GAP43: variants seen among roughly 807,000 people sequenced by gnomAD.
GAP43 encodes growth associated protein 43.
A neutral mutation model predicts 18.6 loss-of-function variants in GAP43; 6 were observed. The ratio of observed to expected loss-of-function variants is 0.32; its 90% CI spans 0.18 to 0.64. The LOEUF is 0.64. GAP43 is among the 30% of genes least tolerant of loss of function. The pLI is 0.78. For missense variants in GAP43, 292 were observed against 295.5 expected (o/e 0.99, Z 0.09); for synonymous variants, 115 against 111.4 (o/e 1.03, Z -0.20).
In GAP43 at chr3:115,623,680, C is replaced by G. The variant is rs779882225; in HGVS notation, c.-10C>G. 16 of 1,613,882 alleles carry G rather than the reference C, an allele frequency of 9.9e-6. 1 individual carries two copies. In the East Asian group the frequency reaches 1.1e-4, roughly 11 times the overall value. On this transcript the variant is annotated 5_prime_UTR_variant, in exon 1 of 3. Coordinates refer to ENST00000305124, the MANE Select transcript of GAP43 (RefSeq NM_002045.4). ...GAGAAGGCAGGAAGAAGGCAAGGGA[C>G]GAGACAACCATGCTGTGCTGTATGA... is the stretch of plus-strand genomic sequence containing the variant.
chr3:115,706,442 A>G (rs948350517), intron 2 of GAP43, among the ~76,000 whole-genome samples: 23 of 152,278 alleles, frequency 1.5e-4, no homozygotes, highest in Admixed American at 1.5e-3. Context: ...CAGTATGGTA[A>G]ACATAGTTTT....
chr3:115,711,508 CA>C (rs1420206100), intron 2 of GAP43, among the ~76,000 whole-genome samples: 23 of 151,122 alleles, frequency 1.5e-4, no homozygotes, highest in African/African-American at 3.6e-4. Context: ...CACACACACA[CA>C]CACCCCCCTA....
intron 1 of GAP43, among the ~76,000 whole-genome samples, chr3:115,629,292 C>T (rs1284545249): frequency 6.6e-6 from 1 of 152,130 alleles, no homozygotes; most frequent in East Asian, 1.9e-4. Flanking sequence ...GCTATCTTTA[C>T]AAAATGCAAA....
At chr3:115,637,819 C>T (rs1475048038) in intron 1 of GAP43, among the ~76,000 whole-genome samples, 1 of 152,034 alleles carries the variant, frequency 6.6e-6, no homozygotes, top group Non-Finnish European at 1.5e-5. Flanking sequence ...CAAATCTCTT[C>T]CCCTTTCTTA....
intron 1 of GAP43, among the ~76,000 whole-genome samples, chr3:115,648,506 TG>T (rs1303324745): frequency 6.6e-6 from 1 of 152,140 alleles, no homozygotes. Context: ...CTGGAATGGA[TG>T]GGCTATTGGC....
intron 1 of GAP43, among the ~76,000 whole-genome samples, chr3:115,630,747 C>A (rs965456336): frequency 6.6e-6 from 1 of 152,116 alleles, no homozygotes; most frequent in Non-Finnish European, 1.5e-5. Context: ...CTGTCAGACC[C>A]AGGTAGAGTT....
At chr3:115,637,618 C>G (rs1032549564) in intron 1 of GAP43, among the ~76,000 whole-genome samples, 1 of 152,066 alleles carries the variant, frequency 6.6e-6, no homozygotes, top group African/African-American at 2.4e-5. Flanking sequence ...AACACAAGTT[C>G]TGTGAATAAT....
At chr3:115,661,326 T>A (rs1358437314) in intron 1 of GAP43, 1 of 152,184 alleles carries the variant, frequency 6.6e-6, no homozygotes, top group Non-Finnish European at 1.5e-5. Context: ...TAGCTGTAAG[T>A]GCCTTTGTGC....
chr3:115,701,966 T>C (rs1436434777), intron 2 of GAP43, among the ~76,000 whole-genome samples: 1 of 152,120 alleles, frequency 6.6e-6, no homozygotes, highest in East Asian at 1.9e-4. Context: ...GATGTGCTTC[T>C]GAGAAAGAAG....
At chr3:115,638,484 G>A (rs1387379181) in intron 1 of GAP43, among the ~76,000 whole-genome samples, 2 of 150,748 alleles carry the variant, frequency 1.3e-5, no homozygotes, top group Non-Finnish European at 2.9e-5. Context: ...TCTGAGTGGT[G>A]TCCAAGTCAC....
intron 1 of GAP43, among the ~76,000 whole-genome samples, chr3:115,639,313 C>T (rs1052002652): frequency 1.3e-5 from 2 of 152,080 alleles, no homozygotes; most frequent in East Asian, 3.9e-4. Flanking sequence ...TTAGTGTAGT[C>T]AGAAAGATAG....
intron 1 of GAP43, among the ~76,000 whole-genome samples, chr3:115,657,838 G>A (rs56897900): frequency 0.047 from 7,154 of 152,154 alleles, 548 homozygotes; most frequent in African/African-American, 0.16. Context: ...GATTACAGAC[G>A]TGAGCCGCCG....
chr3:115,668,755 A>G (rs1247850717), intron 1 of GAP43, among the ~76,000 whole-genome samples: 4 of 152,106 alleles, frequency 2.6e-5, no homozygotes, highest in African/African-American at 4.8e-5. Flanking sequence ...GAAAACGCAT[A>G]TAAGCAGGGA....
intron 2 of GAP43, among the ~76,000 whole-genome samples, chr3:115,690,437 C>T (rs1239179558): frequency 6.6e-6 from 1 of 152,098 alleles, no homozygotes; most frequent in Non-Finnish European, 1.5e-5. Context: ...TTACTTTGAA[C>T]ACCTCATAAA....
Position 115,628,303 on chromosome 3 carries a change from G to A in GAP43, c.30+4584G>A, listed in dbSNP as rs9883658. 1.8e-3 allele frequency among the ~76,000 whole-genome samples: 267 copies of A among 151,924 alleles called. 2 individuals are homozygous for A. The highest frequency in any genetic ancestry group is 3.1e-3 in the Non-Finnish European group (214 of 67,958). On this transcript the variant is annotated intron_variant, in intron 1 of 2. Coordinates refer to ENST00000305124, the MANE Select transcript of GAP43 (RefSeq NM_002045.4). The stretch of plus-strand genomic sequence containing the variant: ...TCTTGAGATTTCATCTTCTTGTGCT[G>A]CACTGGCTCCTTTCCTTATAGTTTA...
chr3:115,655,530 C>G (rs967678318), intron 1 of GAP43, among the ~76,000 whole-genome samples: 1 of 152,126 alleles, frequency 6.6e-6, no homozygotes, highest in Non-Finnish European at 1.5e-5. Flanking sequence ...ACTATCTTCT[C>G]TCTGCAAAAT....
At chr3:115,670,384 TC>T (rs2107486416) in intron 1 of GAP43, among the ~76,000 whole-genome samples, 1 of 152,084 alleles carries the variant, frequency 6.6e-6, no homozygotes, top group African/African-American at 2.4e-5. Flanking sequence ...ATTTTCTTAA[TC>T]CAGTCTATCA....
intron 2 of GAP43, among the ~76,000 whole-genome samples, chr3:115,704,434 T>A (rs1354419834): frequency 2.6e-5 from 4 of 152,062 alleles, no homozygotes; most frequent in Non-Finnish European, 1.5e-5. Flanking sequence ...AGTTACTAAT[T>A]TTAGAGGTCT....
intron 2 of GAP43, among the ~76,000 whole-genome samples, chr3:115,703,702 T>C (rs1709324871): frequency 1.3e-5 from 2 of 152,028 alleles, no homozygotes; most frequent in South Asian, 4.1e-4. Context: ...AAAAAAACAT[T>C]GGGTTCAGAA....
Sources: gnomAD v4.1 joint callset for allele counts (sites outside exome capture counted in the v4.1 genomes callset) on GRCh38, gnomAD v4.1.1 for gene constraint, MANE v1.5 for transcripts, NCBI Gene and HGNC (gene_info 2026-07-23, HGNC 2026-07-21) for gene names.